Variants in KAZN observed in about 807,000 individuals in gnomAD.
The protein encoded by KAZN is kazrin, periplakin interacting protein.
In KAZN, 40 loss-of-function variants were observed where a neutral mutation model predicts 87.4. The observed-to-expected ratio is 0.46, with a 90% CI of 0.36 to 0.60. The LOEUF (loss-of-function observed/expected upper bound fraction) is 0.60. Among genes scored for constraint, KAZN ranks in the 20% least tolerant of loss-of-function variants. The pLI is 0.00. For synonymous variants in KAZN, 466 were observed against 458.3 expected (o/e 1.02, Z -0.22); for missense variants, 898 against 1,073.9 (o/e 0.84, Z 2.29).
At chr1:14,699,002 T>A (rs1641774562) in intron 1 of KAZN, among the ~76,000 whole-genome samples, 1 of 150,704 alleles carries the variant, frequency 6.6e-6, no homozygotes. Flanking sequence ...ATGGCAAGAG[T>A]TGCAGAAGGG....
At chr1:14,740,104 C>A (rs190349040) in intron 1 of KAZN, among the ~76,000 whole-genome samples, 51 of 152,218 alleles carry the variant, frequency 3.4e-4, no homozygotes, top group African/African-American at 1.2e-3. Flanking sequence ...GGATCAGACC[C>A]AAGCCGAGTG....
At chr1:14,731,015 T>C (rs1420473083) in intron 1 of KAZN, among the ~76,000 whole-genome samples, 1 of 152,182 alleles carries the variant, frequency 6.6e-6, no homozygotes, top group Non-Finnish European at 1.5e-5. Flanking sequence ...AGGCCCTGGC[T>C]ATTGTTCTGT....
At chr1:14,584,638 T>C (rs1476258085) in intron 2 of KAZN, among the ~76,000 whole-genome samples, 1 of 131,240 alleles carries the variant, frequency 7.6e-6, no homozygotes, top group East Asian at 2.2e-4. Flanking sequence ...GCAATTGCAT[T>C]TGGAGACAGT....
At position 14,733,295 on chromosome 1, in the gene KAZN, A is replaced by G. The variant is rs570426544; in HGVS notation, c.226+134072A>G. 1.6e-4 allele frequency among the ~76,000 whole-genome samples: 24 copies of G among 152,246 alleles called. No homozygotes were observed. In the South Asian group the frequency reaches 5.0e-3, roughly 32 times the overall value. ...AAGCAAGTCAGGACAAGTCCCAGAG[A>G]AACTTAGCTGGTGAAGAGGAAATGG... On this transcript the variant is annotated intron_variant, in intron 1 of 14. Coordinates refer to ENST00000376030, the MANE Select transcript of KAZN (RefSeq NM_201628.3).
chr1:14,880,775 A>G (rs542954585), intron 1 of KAZN, among the ~76,000 whole-genome samples: 37 of 152,256 alleles, frequency 2.4e-4, no homozygotes, highest in Non-Finnish European at 4.6e-4. Flanking sequence ...TCCAGGAGAG[A>G]GCTTTCCAAG....
chr1:14,961,694 T>C (rs1192840197), intron 2 of KAZN, among the ~76,000 whole-genome samples: 2 of 152,222 alleles, frequency 1.3e-5, no homozygotes, highest in Admixed American at 1.3e-4. Flanking sequence ...GTGTCTTTGC[T>C]TCTTCTAGAA....
intron 1 of KAZN, among the ~76,000 whole-genome samples, chr1:14,628,342 T>C (rs1188108864): frequency 6.6e-6 from 1 of 152,218 alleles, no homozygotes; most frequent in Non-Finnish European, 1.5e-5. Context: ...TTCAATGAGA[T>C]TGCAGGAAAT....
chr1:15,028,540 A>G (rs982038099), intron 2 of KAZN, among the ~76,000 whole-genome samples: 1 of 152,248 alleles, frequency 6.6e-6, no homozygotes, highest in African/African-American at 2.4e-5. Context: ...CATCATTTTC[A>G]TAGCTGTGTG....
intron 1 of KAZN, among the ~76,000 whole-genome samples, chr1:14,055,582 A>G (rs1642514984): frequency 6.6e-6 from 1 of 152,194 alleles, no homozygotes; most frequent in African/African-American, 2.4e-5. Context: ...GAGGTTTCTC[A>G]GGCATCCATA....
rs72873805 is a variant in KAZN at position 15,099,573 on chromosome 1, A to G, written c.1548-1970A>G. ...GGGGGGTGAAGAGCTCAGTGCCTCC[A>G]GGAAACGGCCCCCAGGACCCCAAGC... On this transcript the variant is annotated intron_variant, in intron 10 of 14. Transcript: ENST00000376030. This position sits in a 1 kb window ranked among gnomAD's most constrained non-coding sequence, Gnocchi z 5.4. Among the ~76,000 whole-genome samples the G allele has an allele frequency of 0.13, 20,295 of 152,076 alleles. 2,078 individuals carry two copies. The highest frequency in any genetic ancestry group is 0.28 in the African/African-American group (11,642 of 41,428).
Position 14,003,420 on chromosome 1 carries a change from G to A in KAZN, c.91+109664G>A, listed in dbSNP as rs150157496. 2.5e-3 allele frequency among the ~76,000 whole-genome samples: 384 copies of A among 151,570 alleles called. 4 individuals carry two copies. Among genetic ancestry groups the A allele is most frequent in the African/African-American group, 9.1e-3 (374 of 41,266 alleles). ...AGGACTTGTCAAGGCAATCTAGCCA[G>A]CACTTACACTTTTATATAGAAAGAA... On this transcript the variant is annotated intron_variant, in intron 1 of 16. Transcript: ENST00000636203.
At chr1:14,638,344 G>A (rs1024115709) in intron 1 of KAZN, among the ~76,000 whole-genome samples, 5 of 152,182 alleles carry the variant, frequency 3.3e-5, no homozygotes, top group Middle Eastern at 3.4e-3. Context: ...CGAGGCGGGC[G>A]GATCACCTGA....
intron 2 of KAZN, among the ~76,000 whole-genome samples, chr1:14,506,589 G>T (rs1670595819): frequency 1.3e-5 from 2 of 152,086 alleles, no homozygotes; most frequent in Admixed American, 1.3e-4. Context: ...CCAAAGTGGG[G>T]ATCATCATTA....
In KAZN at chr1:14,546,288, T is replaced by C. The variant is rs201059063; in HGVS notation, c.250-52695T>C. Among the ~76,000 whole-genome samples, 16 of 152,348 alleles carry C rather than the reference T, an allele frequency of 1.1e-4. No individual in the cohort carries two copies. In the East Asian group the frequency reaches 2.1e-3, roughly 20 times the overall value. ...TTAATGCAACATTTCAGTCGGGTTG[T>C]ATGACAGATGGAGAGAAAAGCTTCC... On this transcript the variant is annotated intron_variant, in intron 2 of 16. Transcript: ENST00000636203.
intron 2 of KAZN, among the ~76,000 whole-genome samples, chr1:14,377,763 GT>G (rs1455526467): frequency 1.3e-5 from 2 of 152,194 alleles, no homozygotes; most frequent in African/African-American, 4.8e-5. Context: ...GACCTACCTT[GT>G]TTGGTTCAAG....
At chr1:15,112,272 A>G (rs1641656819) in intron 13 of KAZN, 155 bp from the exon 14 acceptor site, 1 of 644,210 alleles carries the variant, frequency 1.6e-6, no homozygotes, top group Admixed American at 2.3e-5. Context: ...TGCTGAGCAC[A>G]AGGATGGCAC....
chr1:15,090,678 C>G (rs1483060366), intron 8 of KAZN, among the ~76,000 whole-genome samples: 1 of 152,210 alleles, frequency 6.6e-6, no homozygotes. Context: ...TTGGGAAAAA[C>G]AAAGGGCTTA....
intron 2 of KAZN, among the ~76,000 whole-genome samples, chr1:14,332,996 C>T (rs1571323101): frequency 1.3e-5 from 2 of 152,182 alleles, no homozygotes; most frequent in African/African-American, 2.4e-5. Context: ...AGTATTAAGC[C>T]CAGCATGCAT....
chr1:14,236,746 G>T (rs1648462657), intron 2 of KAZN, among the ~76,000 whole-genome samples: 1 of 151,960 alleles, frequency 6.6e-6, no homozygotes, highest in Non-Finnish European at 1.5e-5. Flanking sequence ...GGAAAAACCT[G>T]GTCTCTATTA....
Sources: gnomAD v4.1 joint callset for allele counts (sites outside exome capture counted in the v4.1 genomes callset) on GRCh38, gnomAD v4.1.1 for gene constraint, Gnocchi (gnomAD v3.1) non-coding constraint, MANE v1.5 for transcripts, NCBI Gene and HGNC (gene_info 2026-07-23, HGNC 2026-07-21) for gene names.